The following MAP4K3 variants were observed in gnomAD, a reference collection of about 807,000 sequenced individuals.
MAP4K3 encodes the protein mitogen-activated protein kinase kinase kinase kinase 3.
MAP4K3 carries 94 observed loss-of-function variants against 143.5 expected under a neutral mutation model. That is an observed-to-expected ratio of 0.65 (90% CI 0.55 to 0.78). The LOEUF (loss-of-function observed/expected upper bound fraction) is 0.78, where lower values mean the gene tolerates loss of function less well. Ranked by LOEUF, MAP4K3 falls within the 30% of genes least tolerant of loss-of-function variation. MAP4K3 has a pLI of 0.00. For missense variants in MAP4K3, 1,077 were observed against 1,068.1 expected (o/e 1.01, Z -0.12); for synonymous variants, 416 against 347.2 (o/e 1.20, Z -2.20).
intron 2 of MAP4K3, among the ~76,000 whole-genome samples, chr2:39,360,568 C>A (rs1299860220): frequency 1.3e-5 from 2 of 152,166 alleles, no homozygotes; most frequent in Non-Finnish European, 2.9e-5. Flanking sequence ...ATTTACTGTA[C>A]TAGTCCATTC....
intron 1 of MAP4K3, among the ~76,000 whole-genome samples, chr2:39,404,255 G>A (rs1302707248): frequency 6.6e-6 from 1 of 151,062 alleles, no homozygotes; most frequent in Admixed American, 6.6e-5. Flanking sequence ...CCACAGTGGG[G>A]TAGAGCACCA....
At chr2:39,418,656 C>T (rs367637490) in intron 1 of MAP4K3, among the ~76,000 whole-genome samples, 2 of 151,934 alleles carry the variant, frequency 1.3e-5, no homozygotes, top group Admixed American at 1.3e-4. Flanking sequence ...GTTAATATTG[C>T]CAGTGATAAA....
At chr2:39,369,725 C>G (rs1558670672) in intron 2 of MAP4K3, among the ~76,000 whole-genome samples, 1 of 152,160 alleles carries the variant, frequency 6.6e-6, no homozygotes, top group Non-Finnish European at 1.5e-5. Flanking sequence ...TCTATGGAAC[C>G]CACCAAATAT....
At position 39,296,033 on chromosome 2, in the gene MAP4K3, C is replaced by T. The variant is rs529240646; in HGVS notation, c.1179-2765G>A. On this transcript the variant is annotated intron_variant, in intron 16 of 33. Transcript: ENST00000263881. ...GCCATCACACCCAGCCAGCATTCCA[C>T]TTTTTTAAAAAGAATCTTTCTGGGA... is the stretch of plus-strand genomic sequence containing the variant. Among the ~76,000 whole-genome samples, 5 of 152,160 alleles carry T rather than the reference C, an allele frequency of 3.3e-5. No homozygotes were observed. The South Asian group carries it at 6.2e-4, about 19-fold the overall frequency.
At chr2:39,333,273 G>T (rs1344458541) in intron 7 of MAP4K3, among the ~76,000 whole-genome samples, 2 of 151,950 alleles carry the variant, frequency 1.3e-5, no homozygotes, top group Non-Finnish European at 2.9e-5. Context: ...CACATTCCTG[G>T]GTTTAGAGGT....
rs561561923 is a variant in MAP4K3, at chr2:39,425,113, AC to A, written c.96+11778del. ...CACAGTCTCCCACCCACTCCCCACC[AC>A]CCCCCCAGCCCCTCCACTCAGCTGT... On this transcript the variant is annotated intron_variant, in intron 1 of 33. Coordinates refer to ENST00000263881, the MANE Select transcript of MAP4K3 (RefSeq NM_003618.4). Among the ~76,000 whole-genome samples the A allele has an allele frequency of 2.6e-4, 35 of 135,034 alleles. No homozygotes were observed. The South Asian group carries it at 3.6e-3, about 14-fold the overall frequency. 88.6% of individuals were successfully genotyped at this position (135,034 alleles called of 152,430 possible). A position where few individuals can be genotyped will look rare whatever the true frequency, so the allele number is the denominator to read the frequency against.
chr2:39,335,918 C>G (rs1229857408), intron 6 of MAP4K3, among the ~76,000 whole-genome samples: 3 of 152,002 alleles, frequency 2.0e-5, no homozygotes, highest in Non-Finnish European at 2.9e-5. Flanking sequence ...AAGATTTGCC[C>G]CAGCCTCTAT....
intron 1 of MAP4K3, among the ~76,000 whole-genome samples, chr2:39,418,159 G>A (rs1572507828): frequency 6.7e-6 from 1 of 148,744 alleles, no homozygotes; most frequent in East Asian, 2.0e-4. Context: ...AGCAGAGACT[G>A]CACCACTGCA....
At chr2:39,419,152 AAAGAT>A (rs1168499332) in intron 1 of MAP4K3, among the ~76,000 whole-genome samples, 1 of 152,200 alleles carries the variant, frequency 6.6e-6, no homozygotes, top group Non-Finnish European at 1.5e-5. Context: ...ATGAACTTAA[AAAGAT>A]AAGTTTAACA....
chr2:39,268,021 G>A (rs2148449305), intron 26 of MAP4K3, among the ~76,000 whole-genome samples: 1 of 152,192 alleles, frequency 6.6e-6, no homozygotes, highest in South Asian at 2.1e-4. Context: ...ACATTTACAT[G>A]TACTGTAAAA....
intron 1 of MAP4K3, among the ~76,000 whole-genome samples, chr2:39,394,819 A>G (rs1666761074): frequency 6.6e-6 from 1 of 152,192 alleles, no homozygotes; most frequent in Non-Finnish European, 1.5e-5. Flanking sequence ...TAGATCTTTG[A>G]TAATAACTAG....
At chr2:39,373,846 C>T (rs1204286734) in intron 2 of MAP4K3, among the ~76,000 whole-genome samples, 2 of 151,890 alleles carry the variant, frequency 1.3e-5, no homozygotes, top group African/African-American at 4.8e-5. Flanking sequence ...TTAATTGGTA[C>T]AAAAAATTAG....
intron 3 of MAP4K3, among the ~76,000 whole-genome samples, chr2:39,347,956 G>A (rs1463466644): frequency 6.6e-6 from 1 of 151,796 alleles, no homozygotes; most frequent in Non-Finnish European, 1.5e-5. Flanking sequence ...ACTGTTCATT[G>A]TTGATCTCTA....
intron 12 of MAP4K3, among the ~76,000 whole-genome samples, chr2:39,321,441 G>T (rs1410439712): frequency 6.6e-6 from 1 of 152,142 alleles, no homozygotes; most frequent in African/African-American, 2.4e-5. Context: ...AGTACCCAGG[G>T]ACACAAACAC....
intron 1 of MAP4K3, among the ~76,000 whole-genome samples, chr2:39,421,103 C>A (rs1035567320): frequency 6.6e-6 from 1 of 152,224 alleles, no homozygotes. Context: ...CCACCACATC[C>A]ATCTCTCACA....
At chr2:39,313,437 G>C (rs1242427171) in intron 13 of MAP4K3, among the ~76,000 whole-genome samples, 2 of 146,246 alleles carry the variant, frequency 1.4e-5, no homozygotes, top group African/African-American at 2.4e-5. Context: ...ATTCTCATAT[G>C]ATGTTCTTCT....
intron 13 of MAP4K3, among the ~76,000 whole-genome samples, chr2:39,313,907 GC>G (rs1683028319): frequency 6.6e-6 from 1 of 152,198 alleles, no homozygotes; most frequent in Admixed American, 6.5e-5. Flanking sequence ...GAAATACTAT[GC>G]TATAAAGGGA....
chr2:39,308,250 A>T (rs1682790864), intron 14 of MAP4K3, among the ~76,000 whole-genome samples: 1 of 152,228 alleles, frequency 6.6e-6, no homozygotes, highest in Non-Finnish European at 1.5e-5. Flanking sequence ...AAGGGAAACA[A>T]AAAATAAACT....
intron 1 of MAP4K3, 106 bp downstream of exon 1, chr2:39,436,786 C>T: frequency 1.1e-6 from 1 of 945,390 alleles, no homozygotes; most frequent in Non-Finnish European, 1.6e-6. Flanking sequence ...CCGACTGCTC[C>T]CTGGCGCCAG....
Sources: gnomAD v4.1 joint callset for allele counts (sites outside exome capture counted in the v4.1 genomes callset) on GRCh38, gnomAD v4.1.1 for gene constraint, MANE v1.5 for transcripts, NCBI Gene and HGNC (gene_info 2026-07-23, HGNC 2026-07-21) for gene names.